Variants in ATP10B observed in about 807,000 individuals in gnomAD.
The protein encoded by ATP10B is phospholipid-transporting ATPase VB.
A neutral mutation model predicts 141.2 loss-of-function variants in ATP10B; 122 were observed. That is an observed-to-expected ratio of 0.86 (90% CI 0.75 to 1.00). The LOEUF is 1.00. Among genes scored for constraint, ATP10B ranks in the 50% least tolerant of loss-of-function variants. The probability of loss-of-function intolerance (pLI) is 0.00; values close to 1 mark genes in which losing one functional copy is unlikely to be tolerated. For missense variants in ATP10B, 1,876 were observed against 1,825.3 expected (o/e 1.03, Z -0.51); for synonymous variants, 685 against 692.0 (o/e 0.99, Z 0.16).
At chr5:160,861,738 C>T in the ATP10B span, among the ~76,000 whole-genome samples, 1 of 151,890 alleles carries the variant, frequency 6.6e-6, no homozygotes, top group South Asian at 2.1e-4. Context: ...GGTTCTCATA[C>T]CTTTTCGAAT....
In ATP10B at chr5:160,569,563, C is replaced by T. The variant is rs1222688365; in HGVS notation, c.3871G>A (p.Gly1291Ser). ...SPTNPYWVME[G>S]QLSNPTFYLV... The stretch of plus-strand genomic sequence containing the variant: ...TAGAAAGTGGGGTTTGAGAGCTGGC[C>T]TTCCATCACCCAATAGGGATTGGTG... Residue 1291 changes from glycine (G) to serine (S), a missense_variant, in exon 25 of 26, where the codon GGC becomes AGC. Transcript: ENST00000327245. The T allele has an allele frequency of 6.2e-7, 1 of 1,613,904 alleles. No individual in the cohort carries two copies. Among genetic ancestry groups the T allele is most frequent in the Non-Finnish European group, 8.5e-7 (1 of 1,179,882 alleles).
At chr5:160,780,518 T>TA (rs1253403135) in intron 2 of ATP10B, among the ~76,000 whole-genome samples, 1 of 152,162 alleles carries the variant, frequency 6.6e-6, no homozygotes, top group Non-Finnish European at 1.5e-5. Context: ...AAATAGTTAT[T>TA]AAATCTCCTT....
At position 160,746,563 on chromosome 5, in the gene ATP10B, G is replaced by C. The variant is rs372616057; in HGVS notation, c.-330-29529C>G. Among the ~76,000 whole-genome samples, 14 of 151,682 alleles carry C rather than the reference G, an allele frequency of 9.2e-5. No individual in the cohort carries two copies. In the South Asian group the frequency reaches 2.9e-3, roughly 32 times the overall value. ...CCTGCCACCACGCCCAGCTAATTTT[G>C]GTATTTTTAGTAGAGACTGGATTTC... On this transcript the variant is annotated intron_variant, in intron 2 of 25. Coordinates refer to ENST00000327245, the MANE Select transcript of ATP10B (RefSeq NM_025153.3).
intron 1 of ATP10B, among the ~76,000 whole-genome samples, chr5:160,820,973 A>T (rs913768190): frequency 3.9e-5 from 6 of 152,126 alleles, no homozygotes; most frequent in African/African-American, 1.4e-4. Context: ...TCACTCTAAG[A>T]TCTGTAACAA....
chr5:160,783,082 C>A (rs537328877), intron 2 of ATP10B, among the ~76,000 whole-genome samples: 177 of 151,912 alleles, frequency 1.2e-3, no homozygotes, highest in Admixed American at 4.3e-3. Flanking sequence ...TACATAAGTT[C>A]TTTAGTGGTG....
Position 160,686,270 on chromosome 5 carries a change from C to T in ATP10B, c.279G>A (p.Trp93Ter), listed in dbSNP as rs758981756. ...CCAGGAACAGGAAATAGAGGTTAGCCCATCTGGAGGGGCAAGCGAAGTGTG... is the reference window on the plus strand; with the variant it reads ...CCAGGAACAGGAAATAGAGGTTAGCTCATCTGGAGGGGCAAGCGAAGTGTG... ...PRNLFEQFHRWANLYFLFLVI... is the reference protein window; with the variant it reads ...PRNLFEQFHR The change falls in exon 6 of 26, where the codon TGG (tryptophan) becomes TGA (stop). Residue 93 changes from tryptophan (W) to a stop codon, truncating the protein, a stop_gained. Coordinates refer to ENST00000327245, the MANE Select transcript of ATP10B (RefSeq NM_025153.3). LOFTEE classifies it high-confidence loss of function. 11 of 1,578,758 alleles carry T rather than the reference C, an allele frequency of 7.0e-6. No individual in the cohort carries two copies. The East Asian group carries it at 1.1e-4, about 16-fold the overall frequency.
At chr5:160,569,257 C>T (rs1220628846) in intron 25 of ATP10B, among the ~76,000 whole-genome samples, 2 of 152,170 alleles carry the variant, frequency 1.3e-5, no homozygotes, top group Non-Finnish European at 2.9e-5. Flanking sequence ...TTATAGATGT[C>T]ACAACTGAGG....
intron 25 of ATP10B, among the ~76,000 whole-genome samples, chr5:160,566,599 G>T (rs1754551974): frequency 6.6e-6 from 1 of 152,142 alleles, no homozygotes; most frequent in Non-Finnish European, 1.5e-5. Context: ...CCCCTGCCAA[G>T]CTGCATGCAG....
intron 3 of ATP10B, chr5:160,691,829 G>C (rs1764092777): frequency 6.6e-6 from 1 of 152,104 alleles, no homozygotes; most frequent in African/African-American, 2.4e-5. Flanking sequence ...AGCCTGAAAA[G>C]GTAAATGTAA....
chr5:160,838,422 T>C (rs1053287461), intron 1 of ATP10B, among the ~76,000 whole-genome samples: 1 of 152,176 alleles, frequency 6.6e-6, no homozygotes, highest in Non-Finnish European at 1.5e-5. Context: ...CACTTGCATC[T>C]TGAGTGCCAA....
At chr5:160,898,323 A>G in the ATP10B span, among the ~76,000 whole-genome samples, 1 of 152,198 alleles carries the variant, frequency 6.6e-6, no homozygotes, top group African/African-American at 2.4e-5. Flanking sequence ...CCCCCTCAAA[A>G]TGTGGGCAAA....
chr5:160,617,077 C>G (rs1186194969), intron 16 of ATP10B, among the ~76,000 whole-genome samples: 1 of 152,192 alleles, frequency 6.6e-6, no homozygotes, highest in Non-Finnish European at 1.5e-5. Context: ...CTCCTGATCT[C>G]TAATGCTGAC....
At chr5:160,612,566 G>T (rs1757773693) in intron 18 of ATP10B, 175 bp downstream of exon 18, 2 of 513,328 alleles carry the variant, frequency 3.9e-6, no homozygotes, top group East Asian at 3.1e-5. Flanking sequence ...ATGAGATAAA[G>T]GATATTGGGC....
chr5:160,839,229 G>A (rs901264357), intron 1 of ATP10B, among the ~76,000 whole-genome samples: 3 of 152,268 alleles, frequency 2.0e-5, no homozygotes, highest in African/African-American at 7.2e-5. Flanking sequence ...GAAGGGAGAA[G>A]GATATTCTGA....
At chr5:160,809,652 T>C (rs980756744) in intron 1 of ATP10B, among the ~76,000 whole-genome samples, 3 of 152,220 alleles carry the variant, frequency 2.0e-5, no homozygotes, top group African/African-American at 7.2e-5. Flanking sequence ...CCTGTCTAGC[T>C]GTAATTTAGT....
At position 160,617,886 on chromosome 5, in the gene ATP10B, C is replaced by A. The variant is rs201194908; in HGVS notation, c.2504G>T (p.Arg835Leu). The change falls in exon 16 of 26, where the codon CGC becomes CTC. Residue 835 changes from arginine to leucine, a missense_variant. Arg to Leu is a moderately radical substitution (Grantham distance 102). Transcript: ENST00000327245. Reference sequence around the variant, plus strand: ...TACCTTCTTGGCAATGCATAGTGTGCGCAGGCCATCTCTTGCATACAAGTC... The same window carrying A: ...TACCTTCTTGGCAATGCATAGTGTGAGCAGGCCATCTCTTGCATACAAGTC... ...HLDLYARDGL[R>L]TLCIAKKVVS... The A allele has an allele frequency of 7.4e-6, 12 of 1,613,976 alleles. No individual in the cohort carries two copies. Among genetic ancestry groups the A allele is most frequent in the Non-Finnish European group, 1.0e-5 (12 of 1,179,934 alleles).
the ATP10B span, among the ~76,000 whole-genome samples, chr5:160,908,874 C>A: frequency 6.6e-6 from 1 of 152,224 alleles, no homozygotes; most frequent in Admixed American, 6.5e-5. Flanking sequence ...CTCATCAAAT[C>A]TAAGCTTCTG....
the ATP10B span, among the ~76,000 whole-genome samples, chr5:160,916,475 G>A: frequency 6.6e-6 from 1 of 152,102 alleles, no homozygotes; most frequent in Non-Finnish European, 1.5e-5. Flanking sequence ...CCCCCTAAAT[G>A]TTAAGCACCC....
intron 7 of ATP10B, among the ~76,000 whole-genome samples, chr5:160,652,924 A>ACATG (rs1249003404): frequency 2.4e-5 from 2 of 82,334 alleles, no homozygotes; most frequent in Non-Finnish European, 4.1e-5. Flanking sequence ...TATATATAAT[A>ACATG]TATTATATAT....
Sources: allele counts gnomAD v4.1 joint callset (sites outside exome capture counted in the v4.1 genomes callset), GRCh38; gene constraint gnomAD v4.1.1; transcripts MANE v1.5; gene names NCBI Gene and HGNC (gene_info 2026-07-23, HGNC 2026-07-21).